Variants in RBFOX2 observed in about 807,000 individuals in gnomAD.
The protein encoded by RBFOX2 is RNA binding fox-1 homolog 2.
Under a neutral mutation model 49.1 loss-of-function variants are expected in RBFOX2, and 10 were observed. That is an observed-to-expected ratio of 0.20 (90% CI 0.13 to 0.35). The LOEUF (loss-of-function observed/expected upper bound fraction) is 0.35. RBFOX2 is among the 10% of genes least tolerant of loss of function. RBFOX2 has a pLI of 1.00. For synonymous variants in RBFOX2, 183 were observed against 187.4 expected, an observed-to-expected ratio of 0.98 and a Z score of 0.19; for missense variants, 323 against 486.9, an observed-to-expected ratio of 0.66 and a Z score of 3.17.
intron 4 of RBFOX2, among the ~76,000 whole-genome samples, chr22:35,770,502 T>C (rs765694878): frequency 2.0e-5 from 3 of 152,194 alleles, no homozygotes; most frequent in Non-Finnish European, 4.4e-5. Context: ...TGGTTTCATT[T>C]TGAAGGTAAA....
intron 1 of RBFOX2, among the ~76,000 whole-genome samples, chr22:36,006,529 A>T (rs557135895): frequency 6.6e-6 from 1 of 152,118 alleles, no homozygotes; most frequent in Non-Finnish European, 1.5e-5. Flanking sequence ...CCTTATAAGG[A>T]TATGTTTCTG....
At chr22:35,814,792 C>G (rs1478960451) in intron 1 of RBFOX2, among the ~76,000 whole-genome samples, 1 of 145,908 alleles carries the variant, frequency 6.9e-6, no homozygotes, top group Non-Finnish European at 1.5e-5. Flanking sequence ...CAGTGGCTCA[C>G]AGCTGTAATC....
chr22:35,810,486 T>TA (rs1462840180), intron 1 of RBFOX2, among the ~76,000 whole-genome samples: 1 of 151,500 alleles, frequency 6.6e-6, no homozygotes, highest in Non-Finnish European at 1.5e-5. Flanking sequence ...CAGAGTGGGT[T>TA]AACCAAGTTG....
chr22:35,948,771 A>C (rs1052580917), intron 1 of RBFOX2, among the ~76,000 whole-genome samples: 3 of 152,198 alleles, frequency 2.0e-5, no homozygotes, highest in African/African-American at 7.2e-5. Context: ...ATCATACTAT[A>C]AATATTCTTT....
At chr22:35,815,031 CAGGA>C (rs1952755123) in intron 1 of RBFOX2, among the ~76,000 whole-genome samples, 1 of 152,214 alleles carries the variant, frequency 6.6e-6, no homozygotes, top group Admixed American at 6.5e-5. Context: ...AGTCGTCAAA[CAGGA>C]ACCCATTCAA....
intron 1 of RBFOX2, among the ~76,000 whole-genome samples, chr22:35,820,113 A>G (rs1215337973): frequency 6.6e-6 from 1 of 152,194 alleles, no homozygotes; most frequent in Non-Finnish European, 1.5e-5. Flanking sequence ...GCAGTGGGGA[A>G]AGAGGGACGT....
intron 2 of RBFOX2, among the ~76,000 whole-genome samples, chr22:35,794,220 T>A (rs919254836): frequency 3.3e-5 from 5 of 151,996 alleles, no homozygotes; most frequent in African/African-American, 7.2e-5. Flanking sequence ...TTTTTTTTTT[T>A]AAATCACCAT....
At chr22:36,010,499 AG>A (rs2058776833) in intron 1 of RBFOX2, among the ~76,000 whole-genome samples, 1 of 152,202 alleles carries the variant, frequency 6.6e-6, no homozygotes, top group Middle Eastern at 3.4e-3. Context: ...ATTCACCTAG[AG>A]AGTGAGACAC....
intron 1 of RBFOX2, chr22:35,897,454 T>C (rs1167453305): frequency 3.6e-6 from 3 of 842,302 alleles, no homozygotes; most frequent in African/African-American, 1.7e-5. Flanking sequence ...TTATCCCTTG[T>C]TGTCCAGGAC....
At chr22:35,784,108 C>A (rs928145847) in intron 2 of RBFOX2, among the ~76,000 whole-genome samples, 21 of 152,314 alleles carry the variant, frequency 1.4e-4, no homozygotes, top group African/African-American at 4.6e-4. Flanking sequence ...AGGAAGCAAA[C>A]CACATTTCCA....
intron 2 of RBFOX2, among the ~76,000 whole-genome samples, chr22:35,782,831 T>C (rs1432511652): frequency 1.3e-5 from 2 of 152,250 alleles, no homozygotes; most frequent in African/African-American, 4.8e-5. Flanking sequence ...TTAAAGAGTA[T>C]AAATGAGTGT....
chr22:35,743,880 G>A (rs1931126210), exon 12 of RBFOX2: 1 of 254,912 alleles, frequency 3.9e-6, no homozygotes, highest in Non-Finnish European at 7.3e-6. Flanking sequence ...TGCCTCTTCC[G>A]TGATTGATAG....
chr22:35,802,716 C>G (rs1950002322), intron 2 of RBFOX2, among the ~76,000 whole-genome samples: 1 of 152,066 alleles, frequency 6.6e-6, no homozygotes, highest in Non-Finnish European at 1.5e-5. Context: ...AGGCTGTGGT[C>G]TGAAGAGGGT....
intron 1 of RBFOX2, chr22:35,821,693 C>T (rs1954548137): frequency 7.8e-6 from 4 of 513,320 alleles, no homozygotes; most frequent in Non-Finnish European, 1.2e-5. Context: ...TTTAATAGTT[C>T]CCTAAAAGGC....
intron 1 of RBFOX2, among the ~76,000 whole-genome samples, chr22:35,821,216 T>C (rs1954386259): frequency 1.3e-5 from 2 of 152,218 alleles, no homozygotes; most frequent in African/African-American, 4.8e-5. Flanking sequence ...GTAATTCATT[T>C]TTTCTTTTTA....
chr22:36,023,696 T>C (rs975846909), intron 1 of RBFOX2, among the ~76,000 whole-genome samples: 2 of 152,224 alleles, frequency 1.3e-5, no homozygotes, highest in Non-Finnish European at 2.9e-5. Flanking sequence ...TTTAACTACA[T>C]TTCTCAAACT....
At chr22:35,903,345 T>C (rs1316590644) in intron 1 of RBFOX2, among the ~76,000 whole-genome samples, 1 of 152,222 alleles carries the variant, frequency 6.6e-6, no homozygotes, top group African/African-American at 2.4e-5. Flanking sequence ...GCTTCTGAGA[T>C]ACTACAATGC....
chr22:35,789,134 G>C (rs1162601620), intron 2 of RBFOX2, among the ~76,000 whole-genome samples: 2 of 151,380 alleles, frequency 1.3e-5, no homozygotes, highest in Non-Finnish European at 1.5e-5. Flanking sequence ...CACATACAAT[G>C]AGATCTGAGA....
At chr22:35,825,128 T>G (rs1018868436) in intron 1 of RBFOX2, among the ~76,000 whole-genome samples, 1 of 152,164 alleles carries the variant, frequency 6.6e-6, no homozygotes. Context: ...GCTGAGACAG[T>G]AGAATTGCTT....
Sources: allele counts gnomAD v4.1 joint callset (sites outside exome capture counted in the v4.1 genomes callset), GRCh38; gene constraint gnomAD v4.1.1; transcripts MANE v1.5; gene names NCBI Gene and HGNC (gene_info 2026-07-23, HGNC 2026-07-21).